THSD7B: variants seen among roughly 807,000 people sequenced by gnomAD.
THSD7B encodes thrombospondin type-1 domain-containing protein 7B.
Under a neutral mutation model 213.6 loss-of-function variants are expected in THSD7B, and 138 were observed. The ratio of observed to expected loss-of-function variants is 0.65; its 90% CI spans 0.56 to 0.74. The LOEUF is 0.74. THSD7B is among the 30% of genes least tolerant of loss of function. THSD7B has a pLI of 0.00. For missense variants in THSD7B, 1,931 were observed against 1,991.5 expected (o/e 0.97, Z 0.58); for synonymous variants, 742 against 687.0 (o/e 1.08, Z -1.25).
chr2:137,219,134 T>G (rs1415817773), intron 7 of THSD7B, among the ~76,000 whole-genome samples: 1 of 152,148 alleles, frequency 6.6e-6, no homozygotes, highest in African/African-American at 2.4e-5. Context: ...TTCATTATAC[T>G]TCTTCAATAT....
At chr2:137,611,502 A>G (rs1159275554) in intron 17 of THSD7B, among the ~76,000 whole-genome samples, 1 of 152,108 alleles carries the variant, frequency 6.6e-6, no homozygotes, top group African/African-American at 2.4e-5. Context: ...GGGAATAATA[A>G]TATATCTACC....
intron 12 of THSD7B, among the ~76,000 whole-genome samples, chr2:137,340,447 T>G (rs1019490925): frequency 6.6e-6 from 1 of 151,862 alleles, no homozygotes; most frequent in African/African-American, 2.4e-5. Context: ...ACTTAAAAAG[T>G]TTTTGTGGTA....
chr2:137,172,241 T>A (rs1026984111), intron 7 of THSD7B, among the ~76,000 whole-genome samples: 1 of 152,170 alleles, frequency 6.6e-6, no homozygotes, highest in African/African-American at 2.4e-5. Flanking sequence ...GACACAGCTC[T>A]TAAATCCCTT....
intron 12 of THSD7B, among the ~76,000 whole-genome samples, chr2:137,396,054 C>T (rs1368236934): frequency 2.0e-5 from 3 of 151,798 alleles, no homozygotes; most frequent in Non-Finnish European, 2.9e-5. Flanking sequence ...TCTTCTCTCT[C>T]TTTTTCTTTA....
intron 12 of THSD7B, among the ~76,000 whole-genome samples, chr2:137,327,133 T>G (rs2104887421): frequency 6.6e-6 from 1 of 152,342 alleles, no homozygotes; most frequent in East Asian, 1.9e-4. Context: ...CTTTTTGCAC[T>G]ATATGCATAT....
chr2:137,391,485 C>T (rs905379544), intron 12 of THSD7B, among the ~76,000 whole-genome samples: 8 of 151,934 alleles, frequency 5.3e-5, no homozygotes, highest in Admixed American at 1.3e-4. Context: ...ATCAGGGATT[C>T]GAGACCAGCC....
At position 137,546,465 on chromosome 2, in the gene THSD7B, TATATATATATATA is replaced by T. The variant is rs1680737029; in HGVS notation, c.3139-16742_3139-16730del. On this transcript the variant is annotated intron_variant, in intron 15 of 27. Coordinates refer to ENST00000409968, the MANE Select transcript of THSD7B (RefSeq NM_001316349.2). Reference sequence around the variant, plus strand: ...TATATTATATATATATTATATATAATATATATATATATAATATATATATATATATATTAACATA... The same window carrying T: ...TATATTATATATATATTATATATAATATATATATATATATATATTAACATA... 2.2e-3 allele frequency among the ~76,000 whole-genome samples: 43 copies of T among 19,340 alleles called. 5 individuals carry two copies. The highest frequency in any genetic ancestry group is 9.6e-3 in the South Asian group (5 of 520). The allele number at this position is 19,340 out of a possible 152,430, so 12.7% of individuals were successfully genotyped here.
At chr2:137,589,285 T>C (rs1371318797) in intron 17 of THSD7B, among the ~76,000 whole-genome samples, 3 of 152,142 alleles carry the variant, frequency 2.0e-5, no homozygotes, top group African/African-American at 7.2e-5. Context: ...TTAGAAAAAA[T>C]TTTACCTAAT....
intron 17 of THSD7B, among the ~76,000 whole-genome samples, chr2:137,589,176 T>G (rs1681810601): frequency 6.6e-6 from 1 of 152,218 alleles, no homozygotes; most frequent in Non-Finnish European, 1.5e-5. Context: ...CTTTTTTGGC[T>G]ATTTACATTT....
chr2:137,633,036 G>T (rs16839189), intron 20 of THSD7B, among the ~76,000 whole-genome samples: 3,932 of 152,208 alleles, frequency 0.026, 171 homozygotes, highest in African/African-American at 0.091. Flanking sequence ...CCACACATGT[G>T]CTAAAGAGCT....
At chr2:137,182,376 TA>T (rs1417920122) in intron 7 of THSD7B, among the ~76,000 whole-genome samples, 1 of 152,170 alleles carries the variant, frequency 6.6e-6, no homozygotes. Context: ...CTGGAGAACA[TA>T]ATATTGACAA....
At chr2:136,780,910 A>T (rs1681729906) in intron 1 of THSD7B, among the ~76,000 whole-genome samples, 1 of 152,186 alleles carries the variant, frequency 6.6e-6, no homozygotes, top group Admixed American at 6.5e-5. Context: ...AAAGAGTAAA[A>T]TAATTAGAAG....
At chr2:137,074,796 C>T (rs1385102123) in intron 3 of THSD7B, among the ~76,000 whole-genome samples, 3 of 152,172 alleles carry the variant, frequency 2.0e-5, no homozygotes, top group African/African-American at 4.8e-5. Context: ...GACAAAATCT[C>T]TCAGCATTTG....
intron 20 of THSD7B, among the ~76,000 whole-genome samples, chr2:137,629,376 CA>C (rs1682696690): frequency 6.6e-6 from 1 of 152,208 alleles, no homozygotes; most frequent in African/African-American, 2.4e-5. Flanking sequence ...GTTATTCCAA[CA>C]TACCACCTTT....
At chr2:137,100,610 A>G (rs1027774649) in intron 4 of THSD7B, among the ~76,000 whole-genome samples, 1 of 152,134 alleles carries the variant, frequency 6.6e-6, no homozygotes, top group African/African-American at 2.4e-5. Flanking sequence ...TAGCACCTAG[A>G]AAAGTGCCTG....
At chr2:136,826,162 A>G (rs1682644033) in intron 1 of THSD7B, among the ~76,000 whole-genome samples, 1 of 83,962 alleles carries the variant, frequency 1.2e-5, no homozygotes, top group South Asian at 4.8e-4. Flanking sequence ...CAAAATATAA[A>G]ATAGTTATAA....
chr2:137,013,723 C>T (rs945547042), intron 2 of THSD7B, among the ~76,000 whole-genome samples: 6 of 152,078 alleles, frequency 3.9e-5, no homozygotes, highest in African/African-American at 9.7e-5. Flanking sequence ...CCTCCACCCC[C>T]TACACTCTGC....
intron 7 of THSD7B, among the ~76,000 whole-genome samples, chr2:137,217,685 G>C (rs1441062919): frequency 6.6e-6 from 1 of 152,108 alleles, no homozygotes; most frequent in Non-Finnish European, 1.5e-5. Context: ...TAGCTCTATG[G>C]AAACCAAAAA....
chr2:136,935,960 A>G (rs1426073132), intron 2 of THSD7B, among the ~76,000 whole-genome samples: 3 of 147,908 alleles, frequency 2.0e-5, no homozygotes. Flanking sequence ...ATTCTAGAGA[A>G]TATTCTAAAT....
Sources: allele counts gnomAD v4.1 joint callset (sites outside exome capture counted in the v4.1 genomes callset), GRCh38; gene constraint gnomAD v4.1.1; transcripts MANE v1.5; gene names NCBI Gene and HGNC (gene_info 2026-07-23, HGNC 2026-07-21).